The following PRKN variants were observed in gnomAD, a reference collection of about 807,000 sequenced individuals.
PRKN encodes the protein parkin RBR E3 ubiquitin protein ligase.
A neutral mutation model predicts 59.5 loss-of-function variants in PRKN; 56 were observed. The ratio of observed to expected loss-of-function variants is 0.94; its 90% CI spans 0.76 to 1.18. The LOEUF (loss-of-function observed/expected upper bound fraction) is 1.18, where lower values mean the gene tolerates loss of function less well. PRKN is among the 50% of genes most tolerant of loss of function. PRKN has a pLI of 0.00. For synonymous variants in PRKN, 250 were observed against 222.1 expected, an observed-to-expected ratio of 1.13 and a Z score of -1.12; for missense variants, 657 against 596.4, an observed-to-expected ratio of 1.10 and a Z score of -1.06.
chr6:161,869,793 C>T lies in PRKN; in HGVS notation c.735-83885G>A, dbSNP rs1464318946. On this transcript the variant is annotated intron_variant, in intron 6 of 11. Transcript: ENST00000366898. The stretch of plus-strand genomic sequence containing the variant: ...TCATTGTCTTCTTCCCAGGGCAGAC[C>T]ACAGTTCTGCCACATACAGGAGACC... 7.2e-5 allele frequency among the ~76,000 whole-genome samples: 11 copies of T among 152,204 alleles called. No homozygotes were observed. The East Asian group carries it at 2.1e-3, about 29-fold the overall frequency.
chr6:161,674,907 G>A (rs750281801), intron 7 of PRKN, among the ~76,000 whole-genome samples: 6 of 152,188 alleles, frequency 3.9e-5, no homozygotes, highest in Non-Finnish European at 8.8e-5. Flanking sequence ...AGGAGGCAGC[G>A]CCAAGGAGCC....
intron 2 of PRKN, among the ~76,000 whole-genome samples, chr6:162,354,809 T>G (rs732434): frequency 6.6e-6 from 1 of 151,958 alleles, no homozygotes; most frequent in Non-Finnish European, 1.5e-5. Context: ...AAACCATTAA[T>G]TGAATAAGTT....
At chr6:162,380,315 G>A (rs1028822754) in intron 2 of PRKN, among the ~76,000 whole-genome samples, 5 of 150,748 alleles carry the variant, frequency 3.3e-5, no homozygotes, top group Admixed American at 6.6e-5. Context: ...TGAATACATG[G>A]GTGTTGGTAT....
intron 1 of PRKN, among the ~76,000 whole-genome samples, chr6:162,578,930 A>T (rs993315047): frequency 6.6e-6 from 1 of 152,244 alleles, no homozygotes; most frequent in African/African-American, 2.4e-5. Context: ...CAAGGTTGAC[A>T]CAAAAGTAAC....
At chr6:161,946,873 G>A (rs1044711854) in intron 6 of PRKN, among the ~76,000 whole-genome samples, 1 of 152,182 alleles carries the variant, frequency 6.6e-6, no homozygotes, top group African/African-American at 2.4e-5. Context: ...AATCAAGTAT[G>A]TCCATAGGGG....
chr6:162,404,027 C>G (rs4709605), intron 2 of PRKN, among the ~76,000 whole-genome samples: 64,408 of 151,902 alleles, frequency 0.42, 14,328 homozygotes, highest in East Asian at 0.71. Context: ...TATCCTAATA[C>G]ATAAAATAGA....
rs538540587 is a variant in PRKN, at chr6:161,499,685, T to C, written c.1083+49169A>G. Among the ~76,000 whole-genome samples, 3 of 152,220 alleles carry C rather than the reference T, an allele frequency of 2.0e-5. No homozygotes were observed. The highest frequency in any genetic ancestry group is 4.4e-5 in the Non-Finnish European group (3 of 68,048). ...GTGGTGGTGGTTTCTGCATTTTCCATAAGTAACCCTTTCCCTTGACAATTC... is the reference window on the plus strand; with the variant it reads ...GTGGTGGTGGTTTCTGCATTTTCCACAAGTAACCCTTTCCCTTGACAATTC... On this transcript the variant is annotated intron_variant, in intron 9 of 11. Coordinates refer to ENST00000366898, the MANE Select transcript of PRKN (RefSeq NM_004562.3). The surrounding 1 kb of genome is among the most constrained non-coding windows in gnomAD (Gnocchi z 4.2).
intron 6 of PRKN, among the ~76,000 whole-genome samples, chr6:161,956,011 C>G (rs890146839): frequency 6.6e-6 from 1 of 152,116 alleles, no homozygotes; most frequent in African/African-American, 2.4e-5. Context: ...AAGTCAAGAC[C>G]TGTTGGTTCA....
At chr6:162,495,526 C>T (rs1274199518) in intron 1 of PRKN, among the ~76,000 whole-genome samples, 1 of 152,164 alleles carries the variant, frequency 6.6e-6, no homozygotes, top group African/African-American at 2.4e-5. Context: ...CTGACACCCA[C>T]AGCCCACTGA....
At chr6:161,782,791 G>A (rs1188853737) in intron 7 of PRKN, among the ~76,000 whole-genome samples, 1 of 152,078 alleles carries the variant, frequency 6.6e-6, no homozygotes, top group African/African-American at 2.4e-5. Context: ...CTACTTGGGA[G>A]GCTGAGGCAG....
chr6:162,474,844 G>T (rs543693636), intron 1 of PRKN, among the ~76,000 whole-genome samples: 2 of 151,954 alleles, frequency 1.3e-5, no homozygotes, highest in African/African-American at 2.4e-5. Context: ...TAGGCTTTGG[G>T]GTATAGGCAG....
At chr6:162,276,743 C>T (rs945701514) in intron 2 of PRKN, among the ~76,000 whole-genome samples, 2 of 151,352 alleles carry the variant, frequency 1.3e-5, no homozygotes, top group Non-Finnish European at 2.9e-5. Context: ...AAGCACCTCT[C>T]TTAGATAATT....
In PRKN at chr6:161,429,032, T is replaced by C. The variant is rs1467446328; in HGVS notation, c.1084-42155A>G. Among the ~76,000 whole-genome samples the C allele has an allele frequency of 2.0e-5, 3 of 152,142 alleles. No homozygotes were observed. The highest frequency in any genetic ancestry group is 4.4e-5 in the Non-Finnish European group (3 of 68,020). ...GAAAGTTTTGCTCATGTCCAAGAGATAACGTAAGATGTTCCTGAAGCTAAA... is the reference window on the plus strand; with the variant it reads ...GAAAGTTTTGCTCATGTCCAAGAGACAACGTAAGATGTTCCTGAAGCTAAA... On this transcript the variant is annotated intron_variant, in intron 9 of 11. Coordinates refer to ENST00000366898, the MANE Select transcript of PRKN (RefSeq NM_004562.3). This position sits in a 1 kb window ranked among gnomAD's most constrained non-coding sequence, Gnocchi z 4.2.
intron 4 of PRKN, among the ~76,000 whole-genome samples, chr6:162,113,633 T>TA (rs1410286016): frequency 1.3e-5 from 2 of 152,212 alleles, no homozygotes; most frequent in African/African-American, 2.4e-5. Context: ...GTCAAATACT[T>TA]ACTCCTTTTG....
At chr6:162,229,662 T>C (rs1442878859) in intron 3 of PRKN, among the ~76,000 whole-genome samples, 3 of 152,156 alleles carry the variant, frequency 2.0e-5, no homozygotes, top group Admixed American at 6.5e-5. Flanking sequence ...CCAAACTCAA[T>C]ATCTGCCCTC....
Position 161,551,791 on chromosome 6 carries a change from A to AAAT in PRKN, c.934-2791_934-2789dup, listed in dbSNP as rs1307652648. 6.6e-6 allele frequency among the ~76,000 whole-genome samples: 1 copy of AAAT among 152,120 alleles called. No individual in the cohort carries two copies. The highest frequency in any genetic ancestry group is 2.4e-5 in the African/African-American group (1 of 41,408). On this transcript the variant is annotated intron_variant, in intron 8 of 11. Coordinates refer to ENST00000366898, the MANE Select transcript of PRKN (RefSeq NM_004562.3). This position sits in a 1 kb window ranked among gnomAD's most constrained non-coding sequence, Gnocchi z 5.2. ...TTGTAAAGGATTTTCGAAAATGGAGAAATAACGATATGATACTATGCTGAA... is the reference window on the plus strand; with the variant it reads ...TTGTAAAGGATTTTCGAAAATGGAGAAATAATAACGATATGATACTATGCTGAA...
chr6:161,759,235 C>G (rs1419557975), intron 7 of PRKN, among the ~76,000 whole-genome samples: 1 of 151,952 alleles, frequency 6.6e-6, no homozygotes, highest in Non-Finnish European at 1.5e-5. Flanking sequence ...ATCAAAATTC[C>G]TTCAAGTTGT....
chr6:161,380,501 C>A (rs943004722), intron 10 of PRKN, among the ~76,000 whole-genome samples: 3 of 149,262 alleles, frequency 2.0e-5, no homozygotes, highest in African/African-American at 7.4e-5. Context: ...GCAACCTCCA[C>A]CTCCCAGCTT....
At chr6:161,606,646 G>C (rs908931294) in intron 7 of PRKN, among the ~76,000 whole-genome samples, 8 of 152,182 alleles carry the variant, frequency 5.3e-5, no homozygotes, top group Non-Finnish European at 8.8e-5. Context: ...ATTTAGCAGA[G>C]CAGAGAAAGC....
Sources: allele counts gnomAD v4.1 joint callset (sites outside exome capture counted in the v4.1 genomes callset), GRCh38; gene constraint gnomAD v4.1.1; non-coding constraint Gnocchi (gnomAD v3.1); transcripts MANE v1.5; gene names NCBI Gene and HGNC (gene_info 2026-07-23, HGNC 2026-07-21).